POLA1: variants seen among roughly 807,000 people sequenced by gnomAD.
The protein encoded by POLA1 is DNA polymerase alpha 1, catalytic subunit, also known as DNA polymerase alpha catalytic subunit.
POLA1 carries 15 observed loss-of-function variants against 124.0 expected under a neutral mutation model. The observed-to-expected ratio is 0.12, with a 90% CI of 0.08 to 0.19. The LOEUF (loss-of-function observed/expected upper bound fraction) is 0.19, where lower values mean the gene tolerates loss of function less well. Among genes scored for constraint, POLA1 ranks in the 10% least tolerant of loss-of-function variants. The pLI, the probability that POLA1 is intolerant of heterozygous loss-of-function variation, is 1.00. For synonymous variants in POLA1, 408 were observed against 389.4 expected (o/e 1.05, Z -0.56); for missense variants, 886 against 1,103.4 (o/e 0.80, Z 2.79).
intron 4 of POLA1, among the ~76,000 whole-genome samples, chrX:24,712,326 C>T (rs747960357): frequency 2.7e-5 from 3 of 110,717 alleles, no homozygotes; most frequent in Non-Finnish European, 5.7e-5. Context: ...CCTCGTATTC[C>T]GCCCGCCTCG....
intron 34 of POLA1, among the ~76,000 whole-genome samples, chrX:24,862,865 T>C (rs2046736488): frequency 8.9e-6 from 1 of 112,214 alleles, no homozygotes; most frequent in African/African-American, 3.2e-5. Context: ...AATATACAAA[T>C]GTGCAAAATA....
intron 36 of POLA1, among the ~76,000 whole-genome samples, chrX:24,937,714 T>C (rs2047869317): frequency 8.9e-6 from 1 of 112,219 alleles, no homozygotes; most frequent in Non-Finnish European, 1.9e-5. Context: ...CCTGACCTAC[T>C]GCATCAGCAT....
At chrX:24,789,627 G>T (rs2045453167) in intron 26 of POLA1, among the ~76,000 whole-genome samples, 1 of 110,930 alleles carries the variant, frequency 9.0e-6, no homozygotes, top group Non-Finnish European at 1.9e-5. Flanking sequence ...TTTTCTATAT[G>T]CATTTTAGAT....
At chrX:24,882,684 GGTGTGTGTGTGTGTGTGTGT>G (rs57530564) in intron 34 of POLA1, among the ~76,000 whole-genome samples, 7 of 87,613 alleles carry the variant, frequency 8.0e-5, no homozygotes, top group East Asian at 3.8e-4. Flanking sequence ...TATATTCCAT[GGTGTGTGTGTGTGTGTGTGT>G]GTGTGTGTGT....
intron 35 of POLA1, among the ~76,000 whole-genome samples, chrX:24,924,493 A>G (rs1202891802): frequency 9.0e-6 from 1 of 111,718 alleles, no homozygotes; most frequent in Non-Finnish European, 1.9e-5. Flanking sequence ...GTGTTGTATC[A>G]TTAAGCAATA....
Position 24,797,577 on chromosome X carries a change from T to C in POLA1, c.2965-12321T>C, listed in dbSNP as rs192401463. ...ATGCCCTATAAGAGGGAAGGGATCA[T>C]GTCTGAATCATTCACAGTTGTGTTC... On this transcript the variant is annotated intron_variant, in intron 26 of 36. Coordinates refer to ENST00000379068, the MANE Select transcript of POLA1 (RefSeq NM_001330360.2). 2.7e-5 allele frequency among the ~76,000 whole-genome samples: 3 copies of C among 112,361 alleles called. No individual in the cohort carries two copies. In the Admixed American group the frequency reaches 2.8e-4, roughly 11 times the overall value.
intron 36 of POLA1, among the ~76,000 whole-genome samples, chrX:24,955,479 C>T (rs763917599): frequency 4.5e-5 from 5 of 111,366 alleles, no homozygotes; most frequent in African/African-American, 1.6e-4. Flanking sequence ...CACACCAGCC[C>T]AGAGCAGGAT....
chrX:24,714,263 T>C (rs1199643277), intron 4 of POLA1, among the ~76,000 whole-genome samples: 2 of 111,830 alleles, frequency 1.8e-5, no homozygotes, highest in East Asian at 5.6e-4. Context: ...GTTCACACCA[T>C]TCTCCTGCCT....
At chrX:24,731,270 C>G (rs1930890730) in intron 15 of POLA1, among the ~76,000 whole-genome samples, 1 of 111,841 alleles carries the variant, frequency 8.9e-6, no homozygotes, top group African/African-American at 3.3e-5. Context: ...ATGGGGCACT[C>G]TCTAGGACAA....
chrX:24,941,697 C>A (rs2047909909), intron 36 of POLA1, among the ~76,000 whole-genome samples: 1 of 112,404 alleles, frequency 8.9e-6, no homozygotes, highest in African/African-American at 3.2e-5. Flanking sequence ...CATCTGCATT[C>A]TCTTACCTTG....
At chrX:24,859,003 T>G (rs1460302343) in intron 34 of POLA1, among the ~76,000 whole-genome samples, 1 of 111,537 alleles carries the variant, frequency 9.0e-6, no homozygotes, top group East Asian at 2.8e-4. Context: ...TACCCTCCAG[T>G]ATTTCCCAGC....
Position 24,722,946 on chromosome X carries a change from A to G in POLA1, c.1088-209A>G, listed in dbSNP as rs780517660. The stretch of plus-strand genomic sequence containing the variant: ...TCTGTCCCCTGTCCTCCCAGTGGTC[A>G]TACACTGTATCATTGTGTTAGTGTA... On this transcript the variant is annotated intron_variant, in intron 10 of 36. Coordinates refer to ENST00000379068, the MANE Select transcript of POLA1 (RefSeq NM_001330360.2). 2.7e-5 allele frequency among the ~76,000 whole-genome samples: 3 copies of G among 112,455 alleles called. No individual in the cohort carries two copies. In the East Asian group the frequency reaches 8.4e-4, roughly 31 times the overall value.
chrX:24,959,933 T>C (rs2048151000), intron 36 of POLA1, among the ~76,000 whole-genome samples: 1 of 111,787 alleles, frequency 8.9e-6, no homozygotes, highest in Non-Finnish European at 1.9e-5. Context: ...CCCCCTTTGA[T>C]TTATCCTCCA....
intron 26 of POLA1, among the ~76,000 whole-genome samples, chrX:24,803,474 AC>A (rs1320326202): frequency 9.0e-6 from 1 of 110,772 alleles, no homozygotes; most frequent in African/African-American, 3.3e-5. Flanking sequence ...GTGTATATAT[AC>A]CCCCGAAGTG....
intron 34 of POLA1, among the ~76,000 whole-genome samples, chrX:24,854,570 C>G (rs917674727): frequency 2.7e-5 from 3 of 111,707 alleles, no homozygotes; most frequent in African/African-American, 9.8e-5. Flanking sequence ...GTGGCTCACG[C>G]CTGTAAGCCT....
intron 4 of POLA1, among the ~76,000 whole-genome samples, chrX:24,713,951 T>C (rs1929644602): frequency 8.9e-6 from 1 of 112,295 alleles, no homozygotes; most frequent in Non-Finnish European, 1.9e-5. Flanking sequence ...TTTATCTTTT[T>C]ATTTCTGTGG....
At chrX:24,968,689 C>T (rs1394421494) in intron 36 of POLA1, among the ~76,000 whole-genome samples, 6 of 89,545 alleles carry the variant, frequency 6.7e-5, no homozygotes, top group African/African-American at 1.8e-4. Context: ...GGCGACAGAG[C>T]GAGACTCCAT....
At chrX:24,826,689 A>G in intron 32 of POLA1, 88 bp downstream of exon 32, 1 of 587,699 alleles carries the variant, frequency 1.7e-6, no homozygotes, top group Non-Finnish European at 2.7e-6. Flanking sequence ...GCTTATGGGC[A>G]TGGTATTGTG....
At chrX:24,973,346 CAA>C (rs1483741392) in intron 36 of POLA1, among the ~76,000 whole-genome samples, 1 of 107,258 alleles carries the variant, frequency 9.3e-6, no homozygotes, top group African/African-American at 3.4e-5. Flanking sequence ...GCCTGGGTGA[CAA>C]GAGCAAAACT....
Sources: allele counts gnomAD v4.1 joint callset (sites outside exome capture counted in the v4.1 genomes callset), GRCh38; gene constraint gnomAD v4.1.1; transcripts MANE v1.5; gene names NCBI Gene and HGNC (gene_info 2026-07-23, HGNC 2026-07-21).